The following SP100 variants were observed in gnomAD, a reference collection of about 807,000 sequenced individuals.
SP100 encodes nuclear autoantigen Sp-100.
Under a neutral mutation model 130.0 loss-of-function variants are expected in SP100, and 84 were observed. The observed-to-expected ratio is 0.65, with a 90% CI of 0.54 to 0.77. The LOEUF (loss-of-function observed/expected upper bound fraction) is 0.77, where lower values mean the gene tolerates loss of function less well. Among genes scored for constraint, SP100 ranks in the 30% least tolerant of loss-of-function variants. SP100 has a pLI of 0.00. For missense variants in SP100, 978 were observed against 1,052.2 expected, an observed-to-expected ratio of 0.93 and a Z score of 0.97; for synonymous variants, 331 against 351.7, an observed-to-expected ratio of 0.94 and a Z score of 0.66.
At chr2:230,443,287 C>G (rs1440255597) in intron 3 of SP100, among the ~76,000 whole-genome samples, 188 bp downstream of exon 3, 1 of 152,110 alleles carries the variant, frequency 6.6e-6, no homozygotes, top group Admixed American at 6.5e-5. Context: ...CAGAGGTCGC[C>G]GGAGATGGTC....
At chr2:230,417,768 A>G in intron 2 of SP100, 103 bp downstream of exon 2, 1 of 1,477,712 alleles carries the variant, frequency 6.8e-7, no homozygotes. Flanking sequence ...TCCCTCTTCT[A>G]TAAATTGCTT....
Position 230,468,755 on chromosome 2 carries a change from C to T in SP100, c.1292-288C>T, listed in dbSNP as rs2065093056. The stretch of plus-strand genomic sequence containing the variant: ...ATCATTTGAGCCTGGAAGGTCAAGA[C>T]TGCAGTGAGCCAAGATTGCACCACT... On this transcript the variant is annotated intron_variant, in intron 13 of 28. Transcript: ENST00000340126. 5 of 222,018 alleles carry T rather than the reference C, an allele frequency of 2.3e-5. 1 individual carries two copies. In the South Asian group the frequency reaches 5.1e-4, roughly 22 times the overall value. The allele number at this position is 222,018 out of a possible 1,614,324, so 13.8% of individuals were successfully genotyped here.
At chr2:230,539,229 C>A in intron 24 of SP100, 38 bp from the exon 25 acceptor site, 5 of 1,322,638 alleles carry the variant, frequency 3.8e-6, no homozygotes, top group Non-Finnish European at 4.4e-6. Flanking sequence ...GTCCAAGGGT[C>A]TCACTGATCC....
chr2:230,443,299 C>T (rs1211330629), intron 3 of SP100, among the ~76,000 whole-genome samples, 200 bp downstream of exon 3: 9 of 152,192 alleles, frequency 5.9e-5, no homozygotes, highest in Admixed American at 5.9e-4. Flanking sequence ...GAGATGGTCC[C>T]ACTTCCAGCC....
intron 2 of SP100, among the ~76,000 whole-genome samples, chr2:230,427,071 G>A (rs546509715): frequency 2.0e-5 from 3 of 151,914 alleles, no homozygotes; most frequent in Non-Finnish European, 4.4e-5. Context: ...AGTCACCTCT[G>A]CTGTCTTTTG....
Position 230,494,376 on chromosome 2 carries a change from A to T in SP100, c.1601-40A>T, listed in dbSNP as rs768191800. 40 of 1,402,296 alleles carry T rather than the reference A, an allele frequency of 2.9e-5. No individual in the cohort carries two copies. In the East Asian group the frequency reaches 8.2e-4, roughly 29 times the overall value. The allele number at this position is 1,402,296 out of a possible 1,614,324, so 86.9% of individuals were successfully genotyped here. ...ATATAAAGTGTGTAAATCTTTGTTT[A>T]TAGTTCTAAAGGATTATTTTCTTTC... On this transcript the variant is annotated intron_variant, in intron 17 of 28. Coordinates refer to ENST00000340126, the MANE Select transcript of SP100 (RefSeq NM_001080391.2).
chr2:230,465,556 C>T (rs1416810958), intron 11 of SP100, among the ~76,000 whole-genome samples: 2 of 152,052 alleles, frequency 1.3e-5, no homozygotes, highest in Non-Finnish European at 2.9e-5. Flanking sequence ...CTTATGAACA[C>T]AAAGAAGGAA....
intron 2 of SP100, among the ~76,000 whole-genome samples, chr2:230,424,745 T>C (rs1268814985): frequency 6.7e-6 from 1 of 149,560 alleles, no homozygotes; most frequent in Non-Finnish European, 1.5e-5. Context: ...CCAGTTGGGG[T>C]GCCAGCATTT....
intron 2 of SP100, among the ~76,000 whole-genome samples, chr2:230,437,498 G>C (rs1474945357): frequency 6.6e-6 from 1 of 151,974 alleles, no homozygotes; most frequent in East Asian, 1.9e-4. Context: ...GCTGAATATT[G>C]ATATATATTT....
At chr2:230,466,179 C>G (rs1214173520) in intron 11 of SP100, 122 bp from the exon 12 acceptor site, 9 of 307,438 alleles carry the variant, frequency 2.9e-5, no homozygotes, top group South Asian at 3.0e-5. Flanking sequence ...AACAAGACTC[C>G]ATCTCAAAAA....
At chr2:230,437,466 CTTCTT>C (rs1433157224) in intron 2 of SP100, among the ~76,000 whole-genome samples, 1 of 152,078 alleles carries the variant, frequency 6.6e-6, no homozygotes, top group Non-Finnish European at 1.5e-5. Context: ...CTTTTTGTGA[CTTCTT>C]TTGTGGCTAA....
At chr2:230,438,720 G>A (rs983549361) in intron 2 of SP100, among the ~76,000 whole-genome samples, 2 of 150,612 alleles carry the variant, frequency 1.3e-5, no homozygotes, top group African/African-American at 4.9e-5. Flanking sequence ...ACATGTATAT[G>A]TGTATATATA....
At chr2:230,475,083 T>G (rs771338878) in intron 17 of SP100, among the ~76,000 whole-genome samples, 3 of 152,170 alleles carry the variant, frequency 2.0e-5, no homozygotes, top group Non-Finnish European at 4.4e-5. Context: ...GAATGGCATT[T>G]CTGTCTTTAA....
At chr2:230,423,801 A>G (rs2062841208) in intron 2 of SP100, among the ~76,000 whole-genome samples, 1 of 152,216 alleles carries the variant, frequency 6.6e-6, no homozygotes, top group Non-Finnish European at 1.5e-5. Context: ...AAAATTTCTC[A>G]GTGGAACGAG....
rs1183318492 is a variant in SP100, at chr2:230,467,126, G to A, written c.1202G>A (p.Gly401Glu). 3.7e-6 allele frequency: 6 copies of A among 1,613,242 alleles called. No homozygotes were observed. Among genetic ancestry groups the A allele is most frequent in the South Asian group, 1.1e-5 (1 of 91,066 alleles). ...CATTTGCTCCTTTCTGCAGTGATAG[G>A]ACAAGACCACGACTTTTCAGAATCC... ...FRESFKKRVI[G>E]QDHDFSESSE... Residue 401 changes from glycine to glutamate, a missense_variant, in exon 13 of 29, where the codon GGA becomes GAA. By Grantham distance (98) the Gly-to-Glu change is moderately conservative (BLOSUM62 -2). Transcript: ENST00000340126.
At chr2:230,538,270 G>A (rs1401556553) in intron 24 of SP100, 1 of 152,198 alleles carries the variant, frequency 6.6e-6, no homozygotes, top group African/African-American at 2.4e-5. Context: ...TCTAGACAAT[G>A]GAACTTCAAA....
intron 1 of SP100, chr2:230,416,932 A>G (rs916918152): frequency 3.1e-6 from 3 of 976,892 alleles, no homozygotes; most frequent in African/African-American, 1.7e-5. Context: ...CTGTCCCAAG[A>G]TGGGGGATAC....
At chr2:230,542,213 A>G (rs1284039373) in intron 28 of SP100, among the ~76,000 whole-genome samples, 178 bp downstream of exon 28, 2 of 152,178 alleles carry the variant, frequency 1.3e-5, no homozygotes, top group African/African-American at 2.4e-5. Flanking sequence ...AGAAAATAAC[A>G]ACAAACTGGA....
chr2:230,420,768 A>G (rs2062745509), intron 2 of SP100, among the ~76,000 whole-genome samples: 1 of 152,196 alleles, frequency 6.6e-6, no homozygotes, highest in African/African-American at 2.4e-5. Context: ...GTATCAGTCA[A>G]TAAGACCTTT....
Sources: gnomAD v4.1 joint callset for allele counts (sites outside exome capture counted in the v4.1 genomes callset) on GRCh38, gnomAD v4.1.1 for gene constraint, MANE v1.5 for transcripts, NCBI Gene and HGNC (gene_info 2026-07-23, HGNC 2026-07-21) for gene names.